The following MALRD1 variants were observed in gnomAD, a reference collection of about 807,000 sequenced individuals.
MALRD1 encodes the protein MAM and LDL receptor class A domain containing 1.
MALRD1 carries 247 observed loss-of-function variants against 242.1 expected under a neutral mutation model. That is an observed-to-expected ratio of 1.02 (90% CI 0.92 to 1.13). MALRD1 has a LOEUF of 1.13. MALRD1 is among the 50% of genes most tolerant of loss of function. MALRD1 has a pLI of 0.00. For missense variants in MALRD1, 2,989 were observed against 2,533.1 expected (o/e 1.18, Z -3.86); for synonymous variants, 995 against 866.6 (o/e 1.15, Z -2.60).
At position 19,329,421 on chromosome 10, in the gene MALRD1, C is replaced by CCA. The variant is rs534524949; in HGVS notation, c.3687+1748_3687+1749insCA. Among the ~76,000 whole-genome samples, 1,459 of 151,676 alleles carry CCA rather than the reference C, an allele frequency of 9.6e-3. 23 individuals carry two copies. The highest frequency in any genetic ancestry group is 0.029 in the African/African-American group (1,182 of 41,370). On this transcript the variant is annotated intron_variant, in intron 23 of 39. Coordinates refer to ENST00000454679, the MANE Select transcript of MALRD1 (RefSeq NM_001142308.3). ...TATAATTTTATTTGGGACCCCCCCCCAATTTAAACAAAATATTTAATTACA... is the reference window on the plus strand; with the variant it reads ...TATAATTTTATTTGGGACCCCCCCCCCAAATTTAAACAAAATATTTAATTACA...
At chr10:19,660,982 A>G (rs1310932844) in intron 36 of MALRD1, among the ~76,000 whole-genome samples, 1 of 152,198 alleles carries the variant, frequency 6.6e-6, no homozygotes, top group Non-Finnish European at 1.5e-5. Flanking sequence ...AAGGATATGA[A>G]CAGACACTTC....
intron 2 of MALRD1, among the ~76,000 whole-genome samples, chr10:19,067,452 C>A (rs192775328): frequency 6.6e-6 from 1 of 152,010 alleles, no homozygotes; most frequent in South Asian, 2.1e-4. Flanking sequence ...TAGGTTTACA[C>A]GTGGTAGAAA....
Position 19,497,538 on chromosome 10 carries a change from C to T in MALRD1, c.5159-947C>T, listed in dbSNP as rs1014538011. Among the ~76,000 whole-genome samples the T allele has an allele frequency of 4.1e-4, 62 of 151,960 alleles. 1 individual carries two copies. Among genetic ancestry groups the T allele is most frequent in the African/African-American group, 1.5e-3 (60 of 41,358 alleles). On this transcript the variant is annotated intron_variant, in intron 30 of 39. Transcript: ENST00000454679. ...AAAGTTTTGTGTGGAAATATTAAAG[C>T]TTTGCTTGCTATATATTTAGTATCT...
At chr10:19,323,046 A>T (rs1381404197) in intron 21 of MALRD1, among the ~76,000 whole-genome samples, 2 of 152,154 alleles carry the variant, frequency 1.3e-5, no homozygotes, top group Non-Finnish European at 2.9e-5. Context: ...GCAAAAAAAA[A>T]TCGTATTTAA....
intron 31 of MALRD1, among the ~76,000 whole-genome samples, chr10:19,508,660 G>T (rs969376027): frequency 6.6e-6 from 1 of 151,966 alleles, no homozygotes; most frequent in Non-Finnish European, 1.5e-5. Flanking sequence ...TATACTAGGA[G>T]GTTGTATATT....
chr10:19,357,181 T>G (rs2131016990), intron 26 of MALRD1, among the ~76,000 whole-genome samples: 1 of 152,158 alleles, frequency 6.6e-6, no homozygotes, highest in South Asian at 2.1e-4. Context: ...CACCATGTTC[T>G]AGTGGATTAG....
chr10:19,470,080 T>G (rs1836421156), intron 29 of MALRD1, among the ~76,000 whole-genome samples: 1 of 152,016 alleles, frequency 6.6e-6, no homozygotes, highest in Non-Finnish European at 1.5e-5. Flanking sequence ...AACTGAACCT[T>G]TGTACCCCTT....
chr10:19,137,411 C>T (rs1162818722), intron 10 of MALRD1, among the ~76,000 whole-genome samples: 1 of 151,998 alleles, frequency 6.6e-6, no homozygotes, highest in Non-Finnish European at 1.5e-5. Context: ...CAAGACCAGC[C>T]TGGCCAACAT....
At chr10:19,262,729 A>G (rs1395072596) in intron 19 of MALRD1, among the ~76,000 whole-genome samples, 4 of 151,840 alleles carry the variant, frequency 2.6e-5, no homozygotes, top group East Asian at 3.9e-4. Flanking sequence ...GCTGCTGACT[A>G]TAGTCAACAG....
chr10:19,270,853 AAAT>A (rs201230554), intron 19 of MALRD1, among the ~76,000 whole-genome samples: 4,833 of 130,032 alleles, frequency 0.037, 102 homozygotes, highest in Middle Eastern at 0.062. Context: ...CGCACACACA[AAAT>A]AATATTATTT....
chr10:19,438,366 C>T (rs186701238), intron 28 of MALRD1, among the ~76,000 whole-genome samples: 11 of 152,150 alleles, frequency 7.2e-5, no homozygotes, highest in Non-Finnish European at 1.5e-4. Context: ...ATGTATATAC[C>T]ACATTACATA....
intron 29 of MALRD1, among the ~76,000 whole-genome samples, chr10:19,476,439 A>T (rs1259487360): frequency 4.6e-5 from 7 of 151,984 alleles, no homozygotes; most frequent in Non-Finnish European, 1.0e-4. Flanking sequence ...GGGTGTGTCC[A>T]GCTAAGAAGA....
intron 33 of MALRD1, among the ~76,000 whole-genome samples, chr10:19,590,338 G>C (rs1344514891): frequency 6.9e-6 from 1 of 145,962 alleles, no homozygotes; most frequent in Admixed American, 6.9e-5. Flanking sequence ...TTTTATATAT[G>C]TACATATTTT....
intron 36 of MALRD1, among the ~76,000 whole-genome samples, chr10:19,676,871 G>A (rs1564534123): frequency 6.6e-6 from 1 of 152,086 alleles, no homozygotes; most frequent in Non-Finnish European, 1.5e-5. Flanking sequence ...CTGAGTTCAT[G>A]TGTTCTCATT....
chr10:19,638,295 A>G (rs1444631591), intron 36 of MALRD1, among the ~76,000 whole-genome samples: 3 of 152,022 alleles, frequency 2.0e-5, no homozygotes, highest in South Asian at 4.2e-4. Context: ...AAACATGTCA[A>G]GTATGTTACA....
At chr10:19,466,484 C>T (rs887781746) in intron 29 of MALRD1, among the ~76,000 whole-genome samples, 6 of 152,118 alleles carry the variant, frequency 3.9e-5, no homozygotes, top group African/African-American at 1.2e-4. Context: ...TAAAATACCA[C>T]AGACTAGGCA....
intron 36 of MALRD1, among the ~76,000 whole-genome samples, chr10:19,649,865 C>T (rs189334273): frequency 2.0e-5 from 3 of 152,108 alleles, no homozygotes; most frequent in African/African-American, 7.2e-5. Flanking sequence ...TTCTGTTTTA[C>T]ATTTAAGCCT....
chr10:19,602,614 G>T (rs1838413231), intron 34 of MALRD1, among the ~76,000 whole-genome samples: 1 of 151,960 alleles, frequency 6.6e-6, no homozygotes, highest in South Asian at 2.1e-4. Flanking sequence ...ATTTGGGTTG[G>T]TTCCAAGTCT....
In MALRD1 at chr10:19,264,435, T is replaced by G. The variant is rs541530509; in HGVS notation, c.3079+6664T>G. ...TTCTGGCTTGGAATCAGGCTGAATT[T>G]TTTTTTCCTTTTTTCTTTTTCTTTT... On this transcript the variant is annotated intron_variant, in intron 19 of 39. Coordinates refer to ENST00000454679, the MANE Select transcript of MALRD1 (RefSeq NM_001142308.3). Among the ~76,000 whole-genome samples, 45 of 151,828 alleles carry G rather than the reference T, an allele frequency of 3.0e-4. No individual in the cohort carries two copies. In the South Asian group the frequency reaches 6.2e-3, roughly 21 times the overall value.
Sources: gnomAD v4.1 joint callset for allele counts (sites outside exome capture counted in the v4.1 genomes callset) on GRCh38, gnomAD v4.1.1 for gene constraint, MANE v1.5 for transcripts, NCBI Gene and HGNC (gene_info 2026-07-23, HGNC 2026-07-21) for gene names.